Variants in TP63 observed in about 807,000 individuals in gnomAD.
TP63 encodes the protein tumor protein p63, also known as tumor protein 63.
Under a neutral mutation model 82.8 loss-of-function variants are expected in TP63, and 17 were observed. That is an observed-to-expected ratio of 0.21 (90% confidence interval 0.14 to 0.31). TP63 has a LOEUF of 0.31. TP63 is among the 10% of genes least tolerant of loss of function. TP63 has a pLI of 1.00. For synonymous variants in TP63, 330 were observed against 321.7 expected (o/e 1.03, Z -0.28); for missense variants, 648 against 895.3 (o/e 0.72, Z 3.52).
chr3:189,772,565 G>A (rs1560172608), intron 3 of TP63, among the ~76,000 whole-genome samples: 1 of 152,098 alleles, frequency 6.6e-6, no homozygotes, highest in Non-Finnish European at 1.5e-5. Flanking sequence ...ATATCTACTT[G>A]GAGAAAGTAT....
At chr3:189,799,512 A>T (rs1726063930) in intron 3 of TP63, among the ~76,000 whole-genome samples, 1 of 152,134 alleles carries the variant, frequency 6.6e-6, no homozygotes, top group South Asian at 2.1e-4. Context: ...CATCAGGTTA[A>T]AAAACACTGC....
chr3:189,808,481 C>T lies in TP63; in HGVS notation c.534C>T (p.Asp178=), dbSNP rs2108638494. 6.2e-7 allele frequency: 1 copy of T among 1,614,204 alleles called. No homozygotes were observed. The highest frequency in any genetic ancestry group is 8.5e-7 in the Non-Finnish European group (1 of 1,180,048). Residue 178 remains aspartate (D), a synonymous_variant, in exon 4 of 14, where the codon GAC becomes GAT. Transcript: ENST00000264731. ...NTDYPGPHSF[D]VSFQQSSTAK... ...ACTACCCAGGCCCGCACAGTTTCGACGTGTCCTTCCAGCAGTCGAGCACCG... is the reference window on the plus strand; with the variant it reads ...ACTACCCAGGCCCGCACAGTTTCGATGTGTCCTTCCAGCAGTCGAGCACCG...
chr3:189,751,473 C>T (rs1462587596), intron 3 of TP63, among the ~76,000 whole-genome samples: 1 of 152,200 alleles, frequency 6.6e-6, no homozygotes, highest in Non-Finnish European at 1.5e-5. Flanking sequence ...ACATCCTCTC[C>T]AGCATCTGTT....
At chr3:189,744,803 T>C (rs6444395) in intron 3 of TP63, among the ~76,000 whole-genome samples, 99,745 of 152,032 alleles carry the variant, frequency 0.66, 33,299 homozygotes, top group African/African-American at 0.77. Context: ...ACCTGGGACT[T>C]CCAAAATTGG....
Position 189,806,881 on chromosome 3 carries a change from G to GA in TP63, c.325-1381dup, listed in dbSNP as rs1044799716. ...AAAGCCCACTTCTCCTCCCCCTGTG[G>GA]AAAAAAAAAAGTTCAATAAAATAAT... is the stretch of plus-strand genomic sequence containing the variant. On this transcript the variant is annotated intron_variant, in intron 3 of 13. Transcript: ENST00000264731. Among the ~76,000 whole-genome samples, 824 of 148,258 alleles carry GA rather than the reference G, an allele frequency of 5.6e-3. 11 individuals are homozygous for GA. Among genetic ancestry groups the GA allele is most frequent in the African/African-American group, 0.019 (787 of 40,482 alleles).
At chr3:189,814,980 G>A (rs1251485404) in intron 4 of TP63, among the ~76,000 whole-genome samples, 1 of 137,804 alleles carries the variant, frequency 7.3e-6, no homozygotes, top group African/African-American at 2.9e-5. Flanking sequence ...TTTAAATAAA[G>A]CTTATATTTC....
intron 3 of TP63, among the ~76,000 whole-genome samples, chr3:189,774,049 A>C (rs1723583615): frequency 6.7e-6 from 1 of 149,858 alleles, no homozygotes; most frequent in Non-Finnish European, 1.5e-5. Context: ...CAGCCTCCTG[A>C]GTAGCTGGGA....
At position 189,764,202 on chromosome 3, in the gene TP63, A is replaced by G. The variant is rs112280371; in HGVS notation, c.324+25428A>G. Reference sequence around the variant, plus strand: ...TGAATTGTCTACTTTTTCTGTCCCAATATCCATTCAGAATAGACTACATGC... The same window carrying G: ...TGAATTGTCTACTTTTTCTGTCCCAGTATCCATTCAGAATAGACTACATGC... On this transcript the variant is annotated intron_variant, in intron 3 of 13. Coordinates refer to ENST00000264731, the MANE Select transcript of TP63 (RefSeq NM_003722.5). 9.5e-3 allele frequency among the ~76,000 whole-genome samples: 1,452 copies of G among 152,306 alleles called. 27 individuals are homozygous for G. The highest frequency in any genetic ancestry group is 0.032 in the African/African-American group (1,322 of 41,564).
chr3:189,854,063 C>G (rs1437986030), intron 4 of TP63, among the ~76,000 whole-genome samples: 3 of 152,216 alleles, frequency 2.0e-5, no homozygotes, highest in Admixed American at 2.0e-4. Flanking sequence ...TTACTTCTAT[C>G]TGTTCCCAGT....
the TP63 span, among the ~76,000 whole-genome samples, chr3:189,602,045 T>G: frequency 6.6e-6 from 1 of 152,168 alleles, no homozygotes; most frequent in Non-Finnish European, 1.5e-5. Context: ...TGTGTGTGGC[T>G]TCTAGCTTAC....
chr3:189,754,045 A>C (rs111825718), intron 3 of TP63, among the ~76,000 whole-genome samples: 19 of 152,160 alleles, frequency 1.2e-4, no homozygotes, highest in African/African-American at 4.6e-4. Flanking sequence ...TAAAGAACTC[A>C]AGAGAAAAAT....
intron 10 of TP63, among the ~76,000 whole-genome samples, chr3:189,874,385 T>G (rs933841724): frequency 1.3e-5 from 2 of 152,296 alleles, no homozygotes; most frequent in Middle Eastern, 3.4e-3. Context: ...TATTATGTTT[T>G]AATCAATATG....
intron 4 of TP63, among the ~76,000 whole-genome samples, chr3:189,835,022 C>T (rs962550564): frequency 6.6e-6 from 1 of 151,464 alleles, no homozygotes; most frequent in Non-Finnish European, 1.5e-5. Context: ...TCTTATGGAT[C>T]GTCCGAGTCC....
chr3:189,811,564 A>T (rs1006321449), intron 4 of TP63, among the ~76,000 whole-genome samples: 2 of 152,230 alleles, frequency 1.3e-5, no homozygotes, highest in African/African-American at 4.8e-5. Context: ...GTTCTTCGTC[A>T]TGGATACCTG....
At chr3:189,743,050 A>G (rs1721114677) in intron 3 of TP63, among the ~76,000 whole-genome samples, 2 of 152,202 alleles carry the variant, frequency 1.3e-5, no homozygotes. Flanking sequence ...ACTAAAGTTT[A>G]TATTAAAAAG....
At chr3:189,804,468 C>T (rs760902743) in intron 3 of TP63, among the ~76,000 whole-genome samples, 3 of 152,154 alleles carry the variant, frequency 2.0e-5, no homozygotes, top group Non-Finnish European at 1.5e-5. Context: ...TCTGCATTTT[C>T]ATCTTGCACT....
Position 189,686,715 on chromosome 3 carries a change from G to T in TP63, c.63-51025G>T, listed in dbSNP as rs375077539. 3.4e-5 allele frequency among the ~76,000 whole-genome samples: 5 copies of T among 147,198 alleles called. No individual in the cohort carries two copies. The South Asian group carries it at 1.1e-3, about 32-fold the overall frequency. ...TCACTGAGAACTTTACTCAGGGGGT[G>T]GGGGGCAGGGGCAGGGTTTTTTTTT... On this transcript the variant is annotated intron_variant, in intron 1 of 13. Coordinates refer to ENST00000264731, the MANE Select transcript of TP63 (RefSeq NM_003722.5).
At chr3:189,688,288 C>T (rs1056021126) in intron 1 of TP63, among the ~76,000 whole-genome samples, 3 of 152,190 alleles carry the variant, frequency 2.0e-5, no homozygotes, top group Non-Finnish European at 4.4e-5. Flanking sequence ...TAACTAAAGT[C>T]TCCACATTTC....
intron 4 of TP63, among the ~76,000 whole-genome samples, chr3:189,833,026 C>T (rs540765941): frequency 9.2e-5 from 14 of 152,360 alleles, no homozygotes; most frequent in African/African-American, 3.4e-4. Flanking sequence ...GAGACTGGAT[C>T]TTCCCTTGTA....
Sources: gnomAD v4.1 joint callset for allele counts (sites outside exome capture counted in the v4.1 genomes callset) on GRCh38, gnomAD v4.1.1 for gene constraint, MANE v1.5 for transcripts, NCBI Gene and HGNC (gene_info 2026-07-23, HGNC 2026-07-21) for gene names.